FAM184A: variants seen among roughly 807,000 people sequenced by gnomAD.
FAM184A encodes the protein family with sequence similarity 184 member A.
Under a neutral mutation model 143.8 loss-of-function variants are expected in FAM184A, and 99 were observed. The ratio of observed to expected loss-of-function variants is 0.69; its 90% CI spans 0.58 to 0.81. The LOEUF is 0.81. Ranked by LOEUF, FAM184A falls within the 40% of genes least tolerant of loss-of-function variation. FAM184A has a pLI of 0.00. For synonymous variants in FAM184A, 427 were observed against 446.4 expected (o/e 0.96, Z 0.55); for missense variants, 1,217 against 1,310.5 (o/e 0.93, Z 1.10).
intron 1 of FAM184A, among the ~76,000 whole-genome samples, chr6:119,090,772 A>G (rs1788344477): frequency 6.6e-6 from 1 of 152,158 alleles, no homozygotes; most frequent in African/African-American, 2.4e-5. Flanking sequence ...TGAGCACTTC[A>G]GCTAATCTAA....
chr6:118,992,573 TCAGA>T (rs1253900837), intron 9 of FAM184A, among the ~76,000 whole-genome samples: 2 of 152,190 alleles, frequency 1.3e-5, no homozygotes, highest in African/African-American at 2.4e-5. Context: ...CAGGCTCTCA[TCAGA>T]CACCAAATCT....
chr6:119,131,073 G>C (rs1018641298), intron 1 of FAM184A, among the ~76,000 whole-genome samples: 10 of 152,024 alleles, frequency 6.6e-5, no homozygotes, highest in Non-Finnish European at 1.2e-4. Flanking sequence ...TGGCCAGGCT[G>C]TTGTTAGACT....
intron 1 of FAM184A, among the ~76,000 whole-genome samples, chr6:119,095,618 G>C: frequency 6.6e-6 from 1 of 151,996 alleles, no homozygotes; most frequent in East Asian, 1.9e-4. Context: ...CAGTGCAATG[G>C]TGTGATCATA....
upstream of FAM184A, among the ~76,000 whole-genome samples, chr6:119,079,911 C>T (rs1202429030): frequency 6.6e-6 from 1 of 152,172 alleles, no homozygotes; most frequent in African/African-American, 2.4e-5. Flanking sequence ...TTAAATAGAC[C>T]TTCCAGGAAA....
chr6:118,960,799 C>A (rs763527399), intron 17 of FAM184A: 2 of 1,365,804 alleles, frequency 1.5e-6, no homozygotes, highest in Non-Finnish European at 2.0e-6. Context: ...AGGCACGCAA[C>A]AATGTGTAAT....
At chr6:119,129,394 C>T (rs1789466300) in intron 1 of FAM184A, among the ~76,000 whole-genome samples, 1 of 152,192 alleles carries the variant, frequency 6.6e-6, no homozygotes, top group African/African-American at 2.4e-5. Flanking sequence ...ATCCATGAAG[C>T]AGATGTGGTG....
At chr6:118,985,393 C>A (rs1259094031) in intron 9 of FAM184A, among the ~76,000 whole-genome samples, 1 of 152,186 alleles carries the variant, frequency 6.6e-6, no homozygotes, top group South Asian at 2.1e-4. Context: ...GGTTTTCACA[C>A]ACTCAACTTT....
chr6:119,062,882 T>C (rs897638929), intron 1 of FAM184A, among the ~76,000 whole-genome samples: 74 of 152,338 alleles, frequency 4.9e-4, no homozygotes, highest in Non-Finnish European at 7.5e-4. Context: ...GCTTGACTTG[T>C]GTCCCCAAGA....
At chr6:119,140,872 C>T (rs574319016) in intron 1 of FAM184A, among the ~76,000 whole-genome samples, 1 of 152,336 alleles carries the variant, frequency 6.6e-6, no homozygotes, top group Admixed American at 6.5e-5. Context: ...TCTATTAACG[C>T]TAGAATTGAT....
At chr6:119,020,422 T>TTTTTTG (rs1358843709) in intron 3 of FAM184A, among the ~76,000 whole-genome samples, 30 of 152,104 alleles carry the variant, frequency 2.0e-4, no homozygotes, top group Admixed American at 2.0e-3. Context: ...TTTACTGGTT[T>TTTTTTG]TTTTTGTTTT....
chr6:119,106,855 GA>G (rs1157897042), intron 1 of FAM184A, among the ~76,000 whole-genome samples: 2 of 152,222 alleles, frequency 1.3e-5, no homozygotes, highest in African/African-American at 4.8e-5. Context: ...GATATTCACT[GA>G]AAAAAATCTG....
At position 119,119,446 on chromosome 6, in the gene FAM184A, G is replaced by A. The variant is rs575085485; in HGVS notation, c.-202+29632C>T. ...CCCAGCTTTAAAATTTCTCTCTTTT[G>A]TACTCTGTCCCTTTATTTCTCAAAC... is the stretch of plus-strand genomic sequence containing the variant. On this transcript the variant is annotated intron_variant, in intron 1 of 16. Transcript: ENST00000352896. Among the ~76,000 whole-genome samples the A allele has an allele frequency of 5.7e-4, 87 of 152,204 alleles. 2 individuals are homozygous for A. The highest frequency in any genetic ancestry group is 5.4e-3 in the Admixed American group (83 of 15,288).
rs190841285 is a variant in FAM184A, at chr6:119,138,480, C to T, written c.-202+10598G>A. ...TCCTTACCTTACCAGCTTCTAGAAG[C>T]GACCTGCCTTCCTGGCACATGGCTG... is the stretch of plus-strand genomic sequence containing the variant. On this transcript the variant is annotated intron_variant, in intron 1 of 16. Transcript: ENST00000352896. Among the ~76,000 whole-genome samples, 6 of 152,284 alleles carry T rather than the reference C, an allele frequency of 3.9e-5. No homozygotes were observed. The East Asian group carries it at 5.8e-4, about 15-fold the overall frequency.
At chr6:119,117,309 C>T (rs1295431894) in intron 1 of FAM184A, among the ~76,000 whole-genome samples, 3 of 152,138 alleles carry the variant, frequency 2.0e-5, no homozygotes, top group Admixed American at 2.0e-4. Context: ...CATAGTGGTG[C>T]CCTTAACTAG....
At position 119,097,814 on chromosome 6, in the gene FAM184A, C is replaced by A. The variant is rs145224240; in HGVS notation, c.-202+51264G>T. Among the ~76,000 whole-genome samples the A allele has an allele frequency of 5.8e-3, 881 of 152,254 alleles. 10 individuals carry two copies. Among genetic ancestry groups the A allele is most frequent in the Middle Eastern group, 0.01 (3 of 294 alleles). On this transcript the variant is annotated intron_variant, in intron 1 of 16. Coordinates refer to the FAM184A transcript ENST00000352896. ...CTTCCTTTCACCTGCTCCTTTTTCT[C>A]CTCGAGGCAGGCCATAGAAACTAAA...
intron 1 of FAM184A, among the ~76,000 whole-genome samples, chr6:119,131,524 T>A (rs1400109390): frequency 6.6e-6 from 1 of 152,122 alleles, no homozygotes; most frequent in African/African-American, 2.4e-5. Flanking sequence ...CTTGCTCTAT[T>A]GCCCAGGCTG....
intron 1 of FAM184A, among the ~76,000 whole-genome samples, chr6:119,042,985 C>A (rs184370008): frequency 2.8e-4 from 42 of 152,200 alleles, no homozygotes; most frequent in African/African-American, 1.0e-3. Context: ...TGCCCAAATT[C>A]TGAATGCCAA....
At chr6:119,107,036 A>AG (rs1162212937) in intron 1 of FAM184A, among the ~76,000 whole-genome samples, 1 of 152,248 alleles carries the variant, frequency 6.6e-6, no homozygotes, top group Admixed American at 6.5e-5. Flanking sequence ...ACAGCTCTCA[A>AG]GGGAATATCA....
chr6:119,028,370 A>G (rs566235071), intron 1 of FAM184A, among the ~76,000 whole-genome samples: 1 of 152,284 alleles, frequency 6.6e-6, no homozygotes, highest in Admixed American at 6.5e-5. Flanking sequence ...GCTCTTGGGA[A>G]GGCCTCAGGA....
Sources: allele counts gnomAD v4.1 joint callset (sites outside exome capture counted in the v4.1 genomes callset), GRCh38; gene constraint gnomAD v4.1.1; transcripts MANE v1.5; gene names NCBI Gene and HGNC (gene_info 2026-07-23, HGNC 2026-07-21).